The following SLMAP variants were observed in gnomAD, a reference collection of about 807,000 sequenced individuals.
SLMAP encodes sarcolemma associated protein.
A neutral mutation model predicts 128.8 loss-of-function variants in SLMAP; 44 were observed. That is an observed-to-expected ratio of 0.34 (90% CI 0.27 to 0.44). The LOEUF is 0.44. Among genes scored for constraint, SLMAP ranks in the 20% least tolerant of loss-of-function variants. The probability of loss-of-function intolerance (pLI) is 1.00; values close to 1 mark genes in which losing one functional copy is unlikely to be tolerated. For synonymous variants in SLMAP, 327 were observed against 348.8 expected, an observed-to-expected ratio of 0.94 and a Z score of 0.70; for missense variants, 787 against 985.3, an observed-to-expected ratio of 0.80 and a Z score of 2.69.
chr3:57,857,227 C>T (rs2094835862), intron 6 of SLMAP, among the ~76,000 whole-genome samples: 1 of 152,026 alleles, frequency 6.6e-6, no homozygotes, highest in African/African-American at 2.4e-5. Flanking sequence ...ACTTTCAGCC[C>T]AACAAATGAG....
rs977469270 is a variant in SLMAP, at chr3:57,890,023, G to A, written c.1301-18G>A. ...GCTCAGTTTGGGCTTGGATGGTAAC[G>A]TTTATTTTCCTTGGCAGAGAAGCTG... On this transcript the variant is annotated intron_variant, in intron 14 of 24. Transcript: ENST00000671191. 2.5e-6 allele frequency: 4 copies of A among 1,594,330 alleles called. No individual in the cohort carries two copies. The highest frequency in any genetic ancestry group is 1.1e-5 in the South Asian group (1 of 90,660).
At chr3:57,778,570 C>CTTTTTTTTTTTT (rs1171049495) in intron 2 of SLMAP, among the ~76,000 whole-genome samples, 5 of 115,124 alleles carry the variant, frequency 4.3e-5, no homozygotes, top group Non-Finnish European at 5.6e-5. Context: ...TTCTTTCTTT[C>CTTTTTTTTTTTT]TTTTTTTTTT....
intron 6 of SLMAP, among the ~76,000 whole-genome samples, chr3:57,855,102 A>G (rs1235271980): frequency 6.6e-6 from 1 of 152,130 alleles, no homozygotes; most frequent in African/African-American, 2.4e-5. Context: ...TAAAAGATAG[A>G]AAAAGGCTGG....
At chr3:57,904,198 A>T (rs188945397) in intron 17 of SLMAP, among the ~76,000 whole-genome samples, 1 of 152,298 alleles carries the variant, frequency 6.6e-6, no homozygotes. Context: ...CTCCACTTCT[A>T]TGATCAAACA....
chr3:57,882,651 A>G (rs773779722), intron 14 of SLMAP, among the ~76,000 whole-genome samples: 1 of 152,238 alleles, frequency 6.6e-6, no homozygotes, highest in Non-Finnish European at 1.5e-5. Flanking sequence ...GTGTTCTCAT[A>G]AAACTTTATT....
chr3:57,772,897 C>T (rs1283662523), intron 2 of SLMAP, among the ~76,000 whole-genome samples: 1 of 152,160 alleles, frequency 6.6e-6, no homozygotes, highest in Non-Finnish European at 1.5e-5. Flanking sequence ...GCCTCGGCCT[C>T]CCAAAGTGCT....
At chr3:57,836,147 C>A (rs1232297041) in intron 3 of SLMAP, among the ~76,000 whole-genome samples, 1 of 151,974 alleles carries the variant, frequency 6.6e-6, no homozygotes, top group Non-Finnish European at 1.5e-5. Flanking sequence ...TCTCACCAAT[C>A]CCTATAAATA....
chr3:57,878,977 G>A lies in SLMAP; in HGVS notation c.1300+7279G>A, dbSNP rs115301555. 4.7e-3 allele frequency among the ~76,000 whole-genome samples: 710 copies of A among 152,306 alleles called. 13 individuals carry two copies. The highest frequency in any genetic ancestry group is 0.017 in the African/African-American group (686 of 41,564). Reference sequence around the variant, plus strand: ...CAGTATCAGATAGTCTGTGCTATTTGGGTTTATCTTCTGCTTTAGTTTCAA... The same window carrying A: ...CAGTATCAGATAGTCTGTGCTATTTAGGTTTATCTTCTGCTTTAGTTTCAA... On this transcript the variant is annotated intron_variant, in intron 14 of 24. Coordinates refer to ENST00000671191, the MANE Select transcript of SLMAP (RefSeq NM_001377540.1).
At chr3:57,865,188 A>C (rs1204595100) in intron 12 of SLMAP, 54 bp from the exon 13 acceptor site, 1 of 965,918 alleles carries the variant, frequency 1.0e-6, no homozygotes, top group African/African-American at 1.7e-5. Flanking sequence ...ACTTGAGACC[A>C]CATTTAAAGT....
intron 2 of SLMAP, among the ~76,000 whole-genome samples, chr3:57,775,374 A>G (rs2081647192): frequency 6.6e-6 from 1 of 152,060 alleles, no homozygotes; most frequent in Non-Finnish European, 1.5e-5. Flanking sequence ...CAGCCACTTT[A>G]AAAATACTTG....
rs2096736795 is a variant in SLMAP, at chr3:57,913,260, A to G, written c.2123A>G (p.Glu708Gly). The change falls in exon 21 of 25, where the codon GAA becomes GGA. Residue 708 changes from glutamate (E) to glycine (G), a missense_variant. Transcript: ENST00000671191. Reference protein sequence around the residue: ...VLLSSELQRQEKELHNSQKQS... With the variant: ...VLLSSELQRQGKELHNSQKQS... ...CTATCATCAGAACTGCAACGGCAAG[A>G]AAAAGAATTGCACAAGTATGCAAGA... 5 of 1,532,530 alleles carry G rather than the reference A, an allele frequency of 3.3e-6. No homozygotes were observed. The highest frequency in any genetic ancestry group is 1.7e-5 in the Admixed American group (1 of 59,340). 94.9% of individuals were successfully genotyped at this position (1,532,530 alleles called of 1,614,324 possible). A position where few individuals can be genotyped will look rare whatever the true frequency, so the allele number is the denominator to read the frequency against.
At chr3:57,805,629 A>G (rs1159343211) in intron 2 of SLMAP, among the ~76,000 whole-genome samples, 1 of 152,144 alleles carries the variant, frequency 6.6e-6, no homozygotes, top group Admixed American at 6.5e-5. Context: ...GGTACTCTTC[A>G]AGGTACTTCT....
intron 14 of SLMAP, among the ~76,000 whole-genome samples, chr3:57,887,132 C>G (rs1560419817): frequency 6.6e-6 from 1 of 151,412 alleles, no homozygotes; most frequent in Non-Finnish European, 1.5e-5. Flanking sequence ...TTTAAGAGCA[C>G]CAGGAATAAA....
rs1424073946 is a variant in SLMAP, at chr3:57,922,430, T to TG, written c.2311-459_2311-458insG. On this transcript the variant is annotated intron_variant, in intron 22 of 24. Transcript: ENST00000671191. ...AGTCAACATTAAAGGCTTTTCTTTT[T>TG]TTTTTTTTTTTTTTGAGACGGAGTC... is the stretch of plus-strand genomic sequence containing the variant. Among the ~76,000 whole-genome samples, 20 of 149,258 alleles carry TG rather than the reference T, an allele frequency of 1.3e-4. No individual in the cohort carries two copies. The East Asian group carries it at 3.9e-3, about 29-fold the overall frequency.
chr3:57,918,638 G>A (rs995579542), intron 22 of SLMAP, among the ~76,000 whole-genome samples: 20 of 152,104 alleles, frequency 1.3e-4, no homozygotes, highest in Non-Finnish European at 2.9e-5. Context: ...CTATAGTTTA[G>A]TTATAGCTAT....
chr3:57,772,163 G>A (rs1298794976), intron 2 of SLMAP, among the ~76,000 whole-genome samples: 1 of 152,200 alleles, frequency 6.6e-6, no homozygotes, highest in Non-Finnish European at 1.5e-5. Context: ...ATGTAAGGGG[G>A]ACTTGAATTG....
intron 2 of SLMAP, among the ~76,000 whole-genome samples, chr3:57,771,428 G>A (rs904817979): frequency 3.9e-5 from 6 of 152,088 alleles, no homozygotes; most frequent in Admixed American, 6.6e-5. Context: ...ATGGAATCTC[G>A]CCATGTTGCC....
chr3:57,884,107 T>G (rs1379580855), intron 14 of SLMAP, among the ~76,000 whole-genome samples: 1 of 151,984 alleles, frequency 6.6e-6, no homozygotes, highest in Non-Finnish European at 1.5e-5. Context: ...TTTTCTATTT[T>G]TAGTAGAGAC....
intron 2 of SLMAP, among the ~76,000 whole-genome samples, chr3:57,775,509 CAAAAAAAAA>C (rs1009755128): frequency 9.4e-5 from 2 of 21,178 alleles, no homozygotes; most frequent in African/African-American, 1.1e-4. Context: ...CCTGTTGGTA[CAAAAAAAAA>C]AAAAAAAAAA....
Sources: gnomAD v4.1 joint callset for allele counts (sites outside exome capture counted in the v4.1 genomes callset) on GRCh38, gnomAD v4.1.1 for gene constraint, MANE v1.5 for transcripts, NCBI Gene and HGNC (gene_info 2026-07-23, HGNC 2026-07-21) for gene names.